GRM1: variants seen among roughly 807,000 people sequenced by gnomAD.
The protein encoded by GRM1 is metabotropic glutamate receptor 1.
GRM1 carries 33 observed loss-of-function variants against 90.9 expected under a neutral mutation model. The ratio of observed to expected loss-of-function variants is 0.36; its 90% CI spans 0.28 to 0.49. The LOEUF is 0.49. Among genes scored for constraint, GRM1 ranks in the 20% least tolerant of loss-of-function variants. The probability of loss-of-function intolerance (pLI) is 0.99; values close to 1 mark genes in which losing one functional copy is unlikely to be tolerated. For missense variants in GRM1, 1,190 were observed against 1,534.3 expected (o/e 0.78, Z 3.75); for synonymous variants, 700 against 613.2 (o/e 1.14, Z -2.09).
At chr6:146,213,747 G>A (rs1779765484) in intron 2 of GRM1, among the ~76,000 whole-genome samples, 1 of 152,072 alleles carries the variant, frequency 6.6e-6, no homozygotes, top group African/African-American at 2.4e-5. Flanking sequence ...TGGATGAAAG[G>A]AGATTTATTG....
chr6:146,248,740 T>G (rs1443136340), intron 2 of GRM1, among the ~76,000 whole-genome samples: 1 of 152,126 alleles, frequency 6.6e-6, no homozygotes, highest in Non-Finnish European at 1.5e-5. Flanking sequence ...TTGAAACAGT[T>G]TGGAGGACTC....
intron 1 of GRM1, among the ~76,000 whole-genome samples, chr6:146,094,001 T>A (rs1365666882): frequency 6.6e-6 from 1 of 152,088 alleles, no homozygotes; most frequent in Admixed American, 6.6e-5. Flanking sequence ...TGCAGAATTT[T>A]GTTTAGAGGC....
chr6:146,270,369 T>G (rs2114819366), intron 2 of GRM1, among the ~76,000 whole-genome samples: 1 of 152,358 alleles, frequency 6.6e-6, no homozygotes, highest in Admixed American at 6.5e-5. Flanking sequence ...AATCTTTTAT[T>G]AAAACTTCTT....
At chr6:146,067,284 A>G (rs1404933044) in intron 1 of GRM1, among the ~76,000 whole-genome samples, 1 of 151,582 alleles carries the variant, frequency 6.6e-6, no homozygotes, top group Admixed American at 6.6e-5. Flanking sequence ...TCTATTGCTT[A>G]TTTATGTTTC....
At chr6:146,240,151 C>A (rs1305998984) in intron 2 of GRM1, among the ~76,000 whole-genome samples, 2 of 151,948 alleles carry the variant, frequency 1.3e-5, no homozygotes, top group African/African-American at 4.8e-5. Context: ...GTTGCAAACA[C>A]GTTGTGAAGA....
intron 3 of GRM1, among the ~76,000 whole-genome samples, chr6:146,316,213 C>G (rs183922267): frequency 2.0e-5 from 3 of 152,180 alleles, no homozygotes; most frequent in African/African-American, 4.8e-5. Flanking sequence ...GGCTCATGGC[C>G]CCCTTCCTTC....
intron 3 of GRM1, among the ~76,000 whole-genome samples, chr6:146,320,150 G>C (rs1784121956): frequency 6.6e-6 from 1 of 152,048 alleles, no homozygotes; most frequent in Admixed American, 6.6e-5. Context: ...TCAATACCTA[G>C]CTTATTGTGA....
At chr6:146,420,473 A>C (rs1235701247) in intron 7 of GRM1, among the ~76,000 whole-genome samples, 1 of 152,232 alleles carries the variant, frequency 6.6e-6, no homozygotes, top group Admixed American at 6.5e-5. Context: ...GACTCAGCTC[A>C]GTCAGTGGTT....
intron 2 of GRM1, among the ~76,000 whole-genome samples, chr6:146,216,543 C>T (rs4895692): frequency 0.092 from 14,024 of 152,102 alleles, 1,688 homozygotes; most frequent in African/African-American, 0.27. Context: ...CTTCTTTGGC[C>T]TCCAGTGGAA....
chr6:146,331,031 A>G (rs1021737739), intron 3 of GRM1, among the ~76,000 whole-genome samples: 1 of 152,208 alleles, frequency 6.6e-6, no homozygotes, highest in African/African-American at 2.4e-5. Context: ...AAGGAAGCAC[A>G]TACTATACAC....
intron 1 of GRM1, among the ~76,000 whole-genome samples, chr6:146,088,783 A>G (rs1582986282): frequency 6.6e-6 from 1 of 152,120 alleles, no homozygotes; most frequent in South Asian, 2.1e-4. Flanking sequence ...CTCTGGCTAT[A>G]AAAGAGGCCT....
At chr6:146,056,648 G>C (rs1335225167) in intron 1 of GRM1, among the ~76,000 whole-genome samples, 5 of 152,146 alleles carry the variant, frequency 3.3e-5, no homozygotes, top group Non-Finnish European at 5.9e-5. Context: ...TTTGTGCCAA[G>C]TGATATGTAA....
chr6:146,347,227 A>G (rs1057405459), intron 3 of GRM1, among the ~76,000 whole-genome samples: 2 of 152,348 alleles, frequency 1.3e-5, no homozygotes, highest in Admixed American at 6.5e-5. Flanking sequence ...GTTGTCTGTA[A>G]TGGGACTGCT....
intron 2 of GRM1, among the ~76,000 whole-genome samples, chr6:146,219,435 G>A (rs1337705329): frequency 6.6e-6 from 1 of 152,012 alleles, no homozygotes; most frequent in Non-Finnish European, 1.5e-5. Context: ...AATGAAATAA[G>A]AGTTAGAATG....
intron 5 of GRM1, among the ~76,000 whole-genome samples, chr6:146,369,527 T>C (rs962201129): frequency 2.0e-5 from 3 of 151,862 alleles, no homozygotes; most frequent in African/African-American, 7.3e-5. Context: ...GTTTCCACCT[T>C]TATTTGTTTC....
intron 1 of GRM1, among the ~76,000 whole-genome samples, chr6:146,034,345 T>C (rs1490017412): frequency 6.6e-6 from 1 of 151,710 alleles, no homozygotes; most frequent in Non-Finnish European, 1.5e-5. Context: ...GTTCCTTCAC[T>C]CATGCATTTC....
chr6:146,168,537 A>G (rs1158993184), intron 2 of GRM1, among the ~76,000 whole-genome samples: 3 of 152,056 alleles, frequency 2.0e-5, no homozygotes, highest in African/African-American at 7.2e-5. Flanking sequence ...TATAAAAACT[A>G]TTTATGACCT....
At chr6:146,145,461 C>G (rs1427673218) in intron 1 of GRM1, among the ~76,000 whole-genome samples, 3 of 152,244 alleles carry the variant, frequency 2.0e-5, no homozygotes, top group African/African-American at 4.8e-5. Flanking sequence ...ACTCTACTCT[C>G]TGTCCCCAAG....
chr6:146,209,681 C>T (rs1038571883), intron 2 of GRM1, among the ~76,000 whole-genome samples: 9 of 152,058 alleles, frequency 5.9e-5, no homozygotes, highest in Admixed American at 1.3e-4. Flanking sequence ...ATGTTTGAGA[C>T]GTTATCATTG....
Sources: allele counts gnomAD v4.1 joint callset (sites outside exome capture counted in the v4.1 genomes callset), GRCh38; gene constraint gnomAD v4.1.1; transcripts MANE v1.5; gene names NCBI Gene and HGNC (gene_info 2026-07-23, HGNC 2026-07-21).